The following WNT9B variants were observed in gnomAD, a reference collection of about 807,000 sequenced individuals.
WNT9B encodes the protein Wnt family member 9B, also known as protein Wnt-9b.
In WNT9B, 12 loss-of-function variants were observed where a neutral mutation model predicts 30.2. The ratio of observed to expected loss-of-function variants is 0.40; its 90% CI spans 0.26 to 0.64. The LOEUF (loss-of-function observed/expected upper bound fraction) is 0.64, where lower values mean the gene tolerates loss of function less well. Among genes scored for constraint, WNT9B ranks in the 30% least tolerant of loss-of-function variants. WNT9B has a pLI of 0.42. For missense variants in WNT9B, 442 were observed against 485.2 expected, an observed-to-expected ratio of 0.91 and a Z score of 0.84; for synonymous variants, 218 against 216.9, an observed-to-expected ratio of 1.01 and a Z score of -0.05.
In WNT9B at chr17:46,878,924, C is replaced by T. The variant is rs2146617638; in HGVS notation, c.*2206C>T. 6.6e-6 allele frequency among the ~76,000 whole-genome samples: 1 copy of T among 152,304 alleles called. No individual in the cohort carries two copies. The highest frequency in any genetic ancestry group is 6.5e-5 in the Admixed American group (1 of 15,292). On this transcript the variant is annotated 3_prime_UTR_variant, in exon 4 of 4. Coordinates refer to ENST00000290015, the MANE Select transcript of WNT9B (RefSeq NM_003396.3). ...CCTTGGCTTGTGGGGTCTTCTCTGT[C>T]TGTCTCTCTCCCTCTCTTCTTCCTT...
rs760149629 is a variant in WNT9B at position 46,872,708 on chromosome 17, A to G, written c.269A>G (p.Gln90Arg). 6.4e-7 allele frequency: 1 copy of G among 1,555,112 alleles called. No individual in the cohort carries two copies. The highest frequency in any genetic ancestry group is 8.7e-7 in the Non-Finnish European group (1 of 1,143,606). Reference protein sequence around the residue: ...DAAHLGLLECQFQFRHERWNC... With the variant: ...DAAHLGLLECRFQFRHERWNC... ...GCGCACCTCGGCCTGCTTGAGTGCC[A>G]GTTTCAGTTCCGGCATGAGCGCTGG... Residue 90 changes from glutamine to arginine, a missense_variant, in exon 2 of 4, where the codon CAG (glutamine) becomes CGG (arginine). Gln to Arg is a conservative substitution (Grantham distance 43). Coordinates refer to ENST00000290015, the MANE Select transcript of WNT9B (RefSeq NM_003396.3).
chr17:46,838,293 G>T (rs915254680), intron 1 of WNT9B, among the ~76,000 whole-genome samples: 1 of 151,016 alleles, frequency 6.6e-6, no homozygotes, highest in Non-Finnish European at 1.5e-5. Context: ...TGGGTCAGTG[G>T]ATCAGAAGAG....
chr17:46,845,798 T>G (rs1419706603), intron 1 of WNT9B, among the ~76,000 whole-genome samples: 1 of 146,924 alleles, frequency 6.8e-6, no homozygotes, highest in East Asian at 2.0e-4. Context: ...TTTTTTTTTT[T>G]TTTTTTTTTT....
intron 3 of WNT9B, 65 bp from the exon 4 acceptor site, chr17:46,876,180 T>C: frequency 6.8e-7 from 1 of 1,464,576 alleles, no homozygotes; most frequent in Non-Finnish European, 9.2e-7. Context: ...GTTGGTGCTC[T>C]GGGGGCAGGC....
chr17:46,842,284 A>G (rs374183963), intron 1 of WNT9B, among the ~76,000 whole-genome samples: 1 of 152,220 alleles, frequency 6.6e-6, no homozygotes, highest in African/African-American at 2.4e-5. Flanking sequence ...CAGGTGAGGT[A>G]GATATGCCGC....
upstream of WNT9B, among the ~76,000 whole-genome samples, chr17:46,851,150 C>A (rs1466246009): frequency 2.6e-5 from 4 of 152,142 alleles, no homozygotes; most frequent in East Asian, 5.8e-4. The surrounding 1 kb of genome is among the most constrained non-coding windows in gnomAD (Gnocchi z 4.3). Context: ...GGCAGGAGGG[C>A]GGACAATGAC....
chr17:46,851,256 G>A (rs1332964608), upstream of WNT9B, among the ~76,000 whole-genome samples: 1 of 152,044 alleles, frequency 6.6e-6, no homozygotes, highest in African/African-American at 2.4e-5. The surrounding 1 kb of genome is among the most constrained non-coding windows in gnomAD (Gnocchi z 4.3). Flanking sequence ...CCCCATCCCG[G>A]AGAGGCAGAA....
intron 1 of WNT9B, among the ~76,000 whole-genome samples, chr17:46,868,576 A>G (rs2085182464): frequency 6.6e-6 from 1 of 152,188 alleles, no homozygotes; most frequent in Non-Finnish European, 1.5e-5. Flanking sequence ...AGCCTGGGTG[A>G]TGGAGTGAGA....
chr17:46,882,056 C>A (rs891113366), downstream of WNT9B, among the ~76,000 whole-genome samples: 14 of 152,078 alleles, frequency 9.2e-5, no homozygotes, highest in Admixed American at 7.2e-4. Context: ...TTGGAGAGGC[C>A]GAGGCAGGAA....
intron 1 of WNT9B, among the ~76,000 whole-genome samples, chr17:46,854,086 C>T (rs1340406682): frequency 6.6e-6 from 1 of 152,158 alleles, no homozygotes; most frequent in East Asian, 1.9e-4. Context: ...CAAAAGCCAC[C>T]ACCACCCCAA....
chr17:46,859,818 T>A (rs2085003729), intron 1 of WNT9B, among the ~76,000 whole-genome samples: 1 of 152,176 alleles, frequency 6.6e-6, no homozygotes, highest in Admixed American at 6.5e-5. Flanking sequence ...GTCTGCTGAT[T>A]TGCACACAGG....
At position 46,875,088 on chromosome 17, in the gene WNT9B, G is replaced by T. The variant is rs926213195; in HGVS notation, c.335-13G>T. 5 of 1,613,298 alleles carry T rather than the reference G, an allele frequency of 3.1e-6. No homozygotes were observed. Among genetic ancestry groups the T allele is most frequent in the African/African-American group, 1.3e-5 (1 of 74,874 alleles). ...CTTTCCTCCCTCCCTATGCCCCTGG[G>T]TGCCCGATCCAGGCTTCAAAGAGAC... is the stretch of plus-strand genomic sequence containing the variant. On this transcript the variant is annotated splice_polypyrimidine_tract_variant and intron_variant, in intron 2 of 3. Coordinates refer to ENST00000290015, the MANE Select transcript of WNT9B (RefSeq NM_003396.3).
chr17:46,875,504 C>T lies in WNT9B; in HGVS notation c.600+138C>T, dbSNP rs1056946242. 14 of 1,208,024 alleles carry T rather than the reference C, an allele frequency of 1.2e-5. No homozygotes were observed. In the African/African-American group the frequency reaches 1.2e-4, roughly 11 times the overall value. The allele number at this position is 1,208,024 out of a possible 1,614,324, so 74.8% of individuals were successfully genotyped here. ...CTTCATAAAGGCAGGATGAACTTCA[C>T]GTCTTCAACCAGCATTCCCTTGGCA... On this transcript the variant is annotated intron_variant, in intron 3 of 3. Transcript: ENST00000290015.
Position 46,872,747 on chromosome 17 carries a change from AG to A in WNT9B, c.311del (p.Gly104AlafsTer70). The A allele has an allele frequency of 7.1e-7, 1 of 1,404,144 alleles. No homozygotes were observed. The highest frequency in any genetic ancestry group is 9.5e-7 in the Non-Finnish European group (1 of 1,053,174). The allele number at this position is 1,404,144 out of a possible 1,614,324, so 87.0% of individuals were successfully genotyped here. On this transcript the variant is annotated frameshift_variant, in exon 2 of 4. Coordinates refer to ENST00000290015, the MANE Select transcript of WNT9B (RefSeq NM_003396.3). LOFTEE classifies it high-confidence loss of function. Reference sequence around the variant, plus strand: ...CATGAGCGCTGGAACTGTAGCCTGGAGGGCAGGATGGGCCTGCTCAAGAGAG... The same window carrying A: ...CATGAGCGCTGGAACTGTAGCCTGGAGGCAGGATGGGCCTGCTCAAGAGAG... The part of the protein sequence containing the change: ...FRHERWNCSL[E>X]GRMGLLKRGF...
chr17:46,849,214 C>T (rs1272677769), upstream of WNT9B, among the ~76,000 whole-genome samples: 1 of 152,258 alleles, frequency 6.6e-6, no homozygotes, highest in Admixed American at 6.5e-5. Flanking sequence ...GTTTCTCACT[C>T]TCCAGCCACT....
At chr17:46,881,167 G>A (rs2085417302), downstream of WNT9B, among the ~76,000 whole-genome samples, 1 of 152,182 alleles carries the variant, frequency 6.6e-6, no homozygotes, top group South Asian at 2.1e-4. Flanking sequence ...CCTGGCTCAG[G>A]CCTGCCCTGC....
chr17:46,872,689 C>T lies in WNT9B; in HGVS notation c.250C>T (p.Leu84Phe). Residue 84 changes from leucine (L) to phenylalanine (F), a missense_variant, in exon 2 of 4, where the codon CTC (leucine) becomes TTC (phenylalanine). Coordinates refer to ENST00000290015, the MANE Select transcript of WNT9B (RefSeq NM_003396.3). Reference sequence around the variant, plus strand: ...TGAGACCCTGAGGGATGCTGCGCACCTCGGCCTGCTTGAGTGCCAGTTTCA... The same window carrying T: ...TGAGACCCTGAGGGATGCTGCGCACTTCGGCCTGCTTGAGTGCCAGTTTCA... ...LAETLRDAAH[L>F]GLLECQFQFR... 2 of 1,613,602 alleles carry T rather than the reference C, an allele frequency of 1.2e-6. No individual in the cohort carries two copies. The highest frequency in any genetic ancestry group is 1.7e-6 in the Non-Finnish European group (2 of 1,179,990).
chr17:46,865,417 G>A (rs142272198), intron 1 of WNT9B, among the ~76,000 whole-genome samples: 87 of 152,260 alleles, frequency 5.7e-4, no homozygotes, highest in African/African-American at 2.0e-3. Flanking sequence ...AGGGATGGGT[G>A]GGGGACGAGG....
Position 46,836,315 on chromosome 17 carries a change from C to T in WNT9B, c.95+2875C>T, listed in dbSNP as rs191460563. On this transcript the variant is annotated intron_variant, in intron 1 of 2. Coordinates refer to the WNT9B transcript ENST00000575372. ...GGGCTGCAGGGACATAATTGCATTC[C>T]TTGGAACTGCTGTTTTTTGAACTTC... Among the ~76,000 whole-genome samples the T allele has an allele frequency of 3.3e-5, 5 of 152,212 alleles. 1 individual carries two copies. In the East Asian group the frequency reaches 9.6e-4, roughly 29 times the overall value.
Sources: gnomAD v4.1 joint callset for allele counts (sites outside exome capture counted in the v4.1 genomes callset) on GRCh38, gnomAD v4.1.1 for gene constraint, Gnocchi (gnomAD v3.1) non-coding constraint, MANE v1.5 for transcripts, NCBI Gene and HGNC (gene_info 2026-07-23, HGNC 2026-07-21) for gene names.